Variants in DPY30 observed in about 807,000 individuals in gnomAD.
DPY30 encodes the protein protein dpy-30 homolog.
Under a neutral mutation model 16.2 loss-of-function variants are expected in DPY30, and 6 were observed. The observed-to-expected ratio is 0.37, with a 90% CI of 0.20 to 0.73. DPY30 has a LOEUF of 0.73. DPY30 is among the 30% of genes least tolerant of loss of function. The pLI, the probability that DPY30 is intolerant of heterozygous loss-of-function variation, is 0.51. For missense variants in DPY30, 73 were observed against 113.1 expected (o/e 0.65, Z 1.61); for synonymous variants, 39 against 38.8 (o/e 1.00, Z -0.02).
chr2:32,014,485 CTT>C (rs34360226), intron 5 of DPY30, among the ~76,000 whole-genome samples: 27 of 141,030 alleles, frequency 1.9e-4, no homozygotes, highest in Non-Finnish European at 2.3e-4. Context: ...GAGATCCCAT[CTT>C]TTTTTTTTTT....
intron 3 of DPY30, among the ~76,000 whole-genome samples, chr2:32,030,484 C>G (rs60954094): frequency 0.19 from 28,780 of 151,704 alleles, 2,968 homozygotes; most frequent in Middle Eastern, 0.29. Flanking sequence ...CAAACAATTC[C>G]CCGGGCGTGG....
intron 1 of DPY30, 88 bp downstream of exon 1, chr2:32,039,645 A>G (rs1675890456): frequency 4.6e-6 from 3 of 656,446 alleles, no homozygotes; most frequent in Admixed American, 5.5e-5. Flanking sequence ...ACAGTCCACG[A>G]CTGGGCGCCT....
At chr2:32,013,721 G>T (rs964700809) in intron 5 of DPY30, among the ~76,000 whole-genome samples, 6 of 152,186 alleles carry the variant, frequency 3.9e-5, no homozygotes, top group African/African-American at 1.4e-4. Context: ...CAAGAAATAA[G>T]AAGGCAGGCC....
downstream of DPY30, chr2:32,011,738 G>A (rs1674928371): frequency 6.6e-6 from 1 of 152,218 alleles, no homozygotes; most frequent in Non-Finnish European, 1.5e-5. Context: ...TCCAATGAAA[G>A]TTTTGGGGCA....
At chr2:32,024,288 A>T in intron 4 of DPY30, 32 bp from the exon 5 acceptor site, 1 of 1,472,134 alleles carries the variant, frequency 6.8e-7, no homozygotes, top group African/African-American at 1.4e-5. Flanking sequence ...AAGTTTAGAA[A>T]TATATTTCCT....
chr2:32,030,718 G>A (rs1358562462), intron 3 of DPY30, among the ~76,000 whole-genome samples: 1 of 151,880 alleles, frequency 6.6e-6, no homozygotes, highest in Non-Finnish European at 1.5e-5. Context: ...AGGATCACTT[G>A]AGCCCAGGAG....
chr2:32,026,128 T>C (rs995043089), intron 4 of DPY30, among the ~76,000 whole-genome samples: 1 of 152,022 alleles, frequency 6.6e-6, no homozygotes, highest in African/African-American at 2.4e-5. Flanking sequence ...ATTTGTGTTT[T>C]AACAAAAAAT....
intron 5 of DPY30, among the ~76,000 whole-genome samples, chr2:32,015,808 T>C (rs947320990): frequency 4.6e-5 from 7 of 150,646 alleles, no homozygotes; most frequent in Non-Finnish European, 7.4e-5. Context: ...TGACCTATGA[T>C]TGTGCCACTG....
At position 32,036,602 on chromosome 2, in the gene DPY30, C is replaced by T. The variant is rs1222761563; in HGVS notation, c.84+2677G>A. ...AGGAGAATGGCATGAACCCGGAAGG[C>T]GGAGCTTGCAGTGAGCCAAGATCAC... On this transcript the variant is annotated intron_variant, in intron 3 of 4. Transcript: ENST00000342166. Among the ~76,000 whole-genome samples, 7 of 149,512 alleles carry T rather than the reference C, an allele frequency of 4.7e-5. No homozygotes were observed. The East Asian group carries it at 7.9e-4, about 17-fold the overall frequency.
intron 3 of DPY30, 60 bp downstream of exon 3, chr2:32,039,219 C>T (rs62142092): frequency 0.089 from 143,365 of 1,610,194 alleles, 7,190 homozygotes; most frequent in Non-Finnish European, 0.1. Flanking sequence ...AAGCAGATCC[C>T]AAGTTTTCTC....
At position 32,032,875 on chromosome 2, in the gene DPY30, A is replaced by G. The variant is rs1261545100; in HGVS notation, c.85-3139T>C. Among the ~76,000 whole-genome samples the G allele has an allele frequency of 3.9e-5, 6 of 152,224 alleles. No individual in the cohort carries two copies. In the East Asian group the frequency reaches 1.2e-3, roughly 29 times the overall value. Reference sequence around the variant, plus strand: ...TCTGGGCATGGTGGCAGGCGCCAGTAATCCCAGCTATTCAGGAGGCTAAGG... The same window carrying G: ...TCTGGGCATGGTGGCAGGCGCCAGTGATCCCAGCTATTCAGGAGGCTAAGG... On this transcript the variant is annotated intron_variant, in intron 3 of 4. Transcript: ENST00000342166.
intron 3 of DPY30, among the ~76,000 whole-genome samples, chr2:32,031,072 G>A (rs1675519997): frequency 6.6e-6 from 1 of 152,124 alleles, no homozygotes; most frequent in Non-Finnish European, 1.5e-5. Context: ...GACATTCAGA[G>A]CATTAAAAAG....
At chr2:32,036,965 G>A (rs1053975311) in intron 3 of DPY30, among the ~76,000 whole-genome samples, 2 of 152,148 alleles carry the variant, frequency 1.3e-5, no homozygotes, top group Non-Finnish European at 2.9e-5. Context: ...GAGAGAAGAC[G>A]TTATTTATTG....
At chr2:32,027,261 ACT>A (rs2148659267) in intron 4 of DPY30, among the ~76,000 whole-genome samples, 1 of 130,588 alleles carries the variant, frequency 7.7e-6, no homozygotes, top group African/African-American at 3.0e-5. Context: ...GGCAACAGAG[ACT>A]CTGTCTCAAA....
chr2:32,026,864 C>G (rs1675350342), intron 4 of DPY30, among the ~76,000 whole-genome samples: 1 of 150,486 alleles, frequency 6.6e-6, no homozygotes, highest in South Asian at 2.1e-4. Flanking sequence ...ATATATTAGT[C>G]TTCCCTAGAG....
At chr2:32,026,065 C>G (rs574459252) in intron 4 of DPY30, among the ~76,000 whole-genome samples, 1 of 152,110 alleles carries the variant, frequency 6.6e-6, no homozygotes, top group Non-Finnish European at 1.5e-5. Flanking sequence ...CATGATTGCC[C>G]CCACTGTATT....
intron 3 of DPY30, among the ~76,000 whole-genome samples, chr2:32,039,007 AAAGCCACC>A (rs1219617151): frequency 6.6e-6 from 1 of 152,192 alleles, no homozygotes; most frequent in Admixed American, 6.5e-5. Context: ...AGATCGATTA[AAAGCCACC>A]AAGAAAAATG....
intron 4 of DPY30, among the ~76,000 whole-genome samples, chr2:32,026,831 T>C (rs747218189): frequency 4.0e-5 from 6 of 150,838 alleles, no homozygotes; most frequent in African/African-American, 9.7e-5. Context: ...AATAAATAAA[T>C]ACAGTAATAT....
chr2:32,028,646 C>A (rs1402850379), intron 4 of DPY30, among the ~76,000 whole-genome samples: 1 of 152,008 alleles, frequency 6.6e-6, no homozygotes, highest in Non-Finnish European at 1.5e-5. Context: ...ACTAAAAATA[C>A]AAAAACTAGC....
Sources: gnomAD v4.1 joint callset for allele counts (sites outside exome capture counted in the v4.1 genomes callset) on GRCh38, gnomAD v4.1.1 for gene constraint, MANE v1.5 for transcripts, NCBI Gene and HGNC (gene_info 2026-07-23, HGNC 2026-07-21) for gene names.